FGF12: variants seen among roughly 807,000 people sequenced by gnomAD.
FGF12 encodes the protein fibroblast growth factor 12.
FGF12 carries 14 observed loss-of-function variants against 23.6 expected under a neutral mutation model. That is an observed-to-expected ratio of 0.59 (90% CI 0.39 to 0.93). FGF12 has a LOEUF of 0.93. Ranked by LOEUF, FGF12 falls within the 40% of genes least tolerant of loss-of-function variation. FGF12 has a pLI of 0.00. For missense variants in FGF12, 175 were observed against 217.8 expected (o/e 0.80, Z 1.24); for synonymous variants, 62 against 77.3 (o/e 0.80, Z 1.04).
At chr3:192,454,396 A>T (rs1229742681) in intron 2 of FGF12, among the ~76,000 whole-genome samples, 1 of 152,162 alleles carries the variant, frequency 6.6e-6, no homozygotes, top group Admixed American at 6.5e-5. Context: ...TATCAAAAAC[A>T]CAAAGATTTT....
chr3:192,578,645 A>G (rs1190980423), intron 2 of FGF12, among the ~76,000 whole-genome samples: 1 of 151,480 alleles, frequency 6.6e-6, no homozygotes, highest in South Asian at 2.1e-4. Context: ...TTCTTCTGCT[A>G]TGATGTGTCT....
chr3:192,631,266 T>C (rs1175864836), intron 2 of FGF12, among the ~76,000 whole-genome samples: 1 of 152,192 alleles, frequency 6.6e-6, no homozygotes, highest in Non-Finnish European at 1.5e-5. Flanking sequence ...GGCTAGACAC[T>C]AGGTCCTACG....
At chr3:192,252,462 C>CAA (rs56920518) in intron 4 of FGF12, among the ~76,000 whole-genome samples, 294 of 27,530 alleles carry the variant, frequency 0.011, 14 homozygotes, top group Non-Finnish European at 0.013. Flanking sequence ...GAATCTGTCT[C>CAA]AAAAAAAAAA....
intron 2 of FGF12, among the ~76,000 whole-genome samples, chr3:192,412,384 T>C (rs943722190): frequency 5.9e-5 from 9 of 152,194 alleles, no homozygotes. Context: ...CTGTTGCTGT[T>C]TGAAGTTCTC....
At chr3:192,629,390 G>A (rs1467745007) in intron 2 of FGF12, among the ~76,000 whole-genome samples, 1 of 152,190 alleles carries the variant, frequency 6.6e-6, no homozygotes, top group Non-Finnish European at 1.5e-5. Context: ...TTTCTCTAAA[G>A]AGTTTAAAAT....
At chr3:192,483,603 C>T (rs1723542182) in intron 2 of FGF12, among the ~76,000 whole-genome samples, 3 of 151,918 alleles carry the variant, frequency 2.0e-5, no homozygotes, top group African/African-American at 7.3e-5. Context: ...TAGGGGAATT[C>T]GTGTTACAAG....
chr3:192,662,090 A>G (rs980449851), intron 2 of FGF12, among the ~76,000 whole-genome samples: 1 of 152,184 alleles, frequency 6.6e-6, no homozygotes, highest in African/African-American at 2.4e-5. Flanking sequence ...TTCATTCACC[A>G]GCGTATGTCC....
At chr3:192,543,276 G>A (rs1017295513) in intron 2 of FGF12, among the ~76,000 whole-genome samples, 1 of 152,026 alleles carries the variant, frequency 6.6e-6, no homozygotes, top group African/African-American at 2.4e-5. Context: ...GTTTCTGCCT[G>A]TGGCCACCCT....
chr3:192,684,121 C>T (rs992114398), intron 2 of FGF12, among the ~76,000 whole-genome samples: 10 of 152,082 alleles, frequency 6.6e-5, no homozygotes, highest in African/African-American at 2.2e-4. Flanking sequence ...GGTTATGAAT[C>T]GGTAGTTTTA....
chr3:192,264,417 A>AG (rs1712948354), intron 4 of FGF12, among the ~76,000 whole-genome samples: 1 of 152,158 alleles, frequency 6.6e-6, no homozygotes, highest in South Asian at 2.1e-4. Context: ...GGAATCCAAA[A>AG]GCGTCTAAGC....
rs145948754 is a variant in FGF12 at position 192,380,788 on chromosome 3, T to G, written c.14-20250A>C. Among the ~76,000 whole-genome samples the G allele has an allele frequency of 3.9e-3, 589 of 152,106 alleles. 2 individuals are homozygous for G. The highest frequency in any genetic ancestry group is 0.014 in the African/African-American group (567 of 41,516). On this transcript the variant is annotated intron_variant, in intron 2 of 5. Coordinates refer to ENST00000445105, the MANE Select transcript of FGF12 (RefSeq NM_004113.6). ...TAATAGCAAGGGAAAGAATGCTGAG[T>G]TTCATGCCTAGGCCAGTACTATCCA...
chr3:192,675,118 G>A (rs904428942), intron 2 of FGF12, among the ~76,000 whole-genome samples: 3 of 152,310 alleles, frequency 2.0e-5, no homozygotes, highest in Middle Eastern at 3.4e-3. Flanking sequence ...TAGGGATAGA[G>A]TAAGTGGTAG....
In FGF12 at chr3:192,514,044, G is replaced by T. The variant is rs1379144062; in HGVS notation, c.14-153506C>A. ...TTTAATGGCCTTTCTCAATATCTCA[G>T]TTCATTCAAAGGTTCTGATTTTCTT... On this transcript the variant is annotated intron_variant, in intron 2 of 5. Coordinates refer to ENST00000445105, the MANE Select transcript of FGF12 (RefSeq NM_004113.6). This position sits in a 1 kb window ranked among gnomAD's most constrained non-coding sequence, Gnocchi z 4.9. Among the ~76,000 whole-genome samples the T allele has an allele frequency of 6.6e-6, 1 of 152,042 alleles. No individual in the cohort carries two copies. Among genetic ancestry groups the T allele is most frequent in the Non-Finnish European group, 1.5e-5 (1 of 68,012 alleles).
chr3:192,265,417 G>A (rs925568110), intron 4 of FGF12: 6 of 152,092 alleles, frequency 3.9e-5, no homozygotes, highest in African/African-American at 1.4e-4. Flanking sequence ...CATATAAAGG[G>A]TAGGTGGCTC....
At chr3:192,305,197 C>T (rs903880586) in intron 4 of FGF12, among the ~76,000 whole-genome samples, 1 of 152,098 alleles carries the variant, frequency 6.6e-6, no homozygotes. Context: ...GACCATTTTT[C>T]AGATACAGTA....
At chr3:192,595,013 G>A (rs1273421277) in intron 2 of FGF12, among the ~76,000 whole-genome samples, 1 of 147,940 alleles carries the variant, frequency 6.8e-6, no homozygotes, top group East Asian at 1.9e-4. Flanking sequence ...AGAAGATTGA[G>A]TGATTGTAAA....
intron 2 of FGF12, among the ~76,000 whole-genome samples, chr3:192,552,628 T>C (rs956654207): frequency 6.6e-6 from 1 of 152,248 alleles, no homozygotes; most frequent in African/African-American, 2.4e-5. Flanking sequence ...TGGTGGCTCA[T>C]GCCTATAATC....
At chr3:192,256,074 C>T (rs959976786) in intron 4 of FGF12, among the ~76,000 whole-genome samples, 2 of 152,046 alleles carry the variant, frequency 1.3e-5, no homozygotes, top group Admixed American at 6.6e-5. Flanking sequence ...TTCAGCTTCA[C>T]GCCAAAGAAG....
chr3:192,561,649 A>G lies in FGF12; in HGVS notation c.13+165532T>C, dbSNP rs143956926. Among the ~76,000 whole-genome samples, 1,466 of 152,324 alleles carry G rather than the reference A, an allele frequency of 9.6e-3. 16 individuals carry two copies. Among genetic ancestry groups the G allele is most frequent in the Middle Eastern group, 0.024 (7 of 294 alleles). ...AGTGCTGGGATTACAGGCGTGAGCC[A>G]CCGTGCCTGGAAAATACTATTTATT... is the stretch of plus-strand genomic sequence containing the variant. On this transcript the variant is annotated intron_variant, in intron 2 of 5. Transcript: ENST00000445105.
Sources: allele counts gnomAD v4.1 joint callset (sites outside exome capture counted in the v4.1 genomes callset), GRCh38; gene constraint gnomAD v4.1.1; non-coding constraint Gnocchi (gnomAD v3.1); transcripts MANE v1.5; gene names NCBI Gene and HGNC (gene_info 2026-07-23, HGNC 2026-07-21).